LRFN1: variants seen among roughly 807,000 people sequenced by gnomAD.
LRFN1 encodes the protein leucine-rich repeat and fibronectin type III domain-containing protein 1.
In LRFN1, 20 loss-of-function variants were observed where a neutral mutation model predicts 31.8. The ratio of observed to expected loss-of-function variants is 0.63; its 90% confidence interval spans 0.44 to 0.91. The LOEUF (loss-of-function observed/expected upper bound fraction) is 0.91, where lower values mean the gene tolerates loss of function less well. Among genes scored for constraint, LRFN1 ranks in the 40% least tolerant of loss-of-function variants. LRFN1 has a pLI of 0.00. For synonymous variants in LRFN1, 514 were observed against 541.3 expected (o/e 0.95, Z 0.70); for missense variants, 912 against 1,129.8 (o/e 0.81, Z 2.76).
At chr19:39,318,739 G>A (rs1447067542) in intron 1 of LRFN1, among the ~76,000 whole-genome samples, 2 of 152,276 alleles carry the variant, frequency 1.3e-5, no homozygotes, top group Non-Finnish European at 1.5e-5. Flanking sequence ...ACCAAGAGCT[G>A]GGGAAGGGCC....
rs1209114135 is a variant in LRFN1 at position 39,314,008 on chromosome 19, T to C, written c.1329A>G (p.Pro443=). Residue 443 remains proline, a synonymous_variant, in exon 4 of 5, where the codon CCA becomes CCG. Transcript: ENST00000248668. The part of the protein sequence containing the change: ...LTSNSVLIRW[P]AQRPVPGIRM... ...GTATTCCGGGCACAGGCCTCTGGGC[T>C]GGCCAGCGGATGAGCACGGAGTTCG... 1.9e-6 allele frequency: 3 copies of C among 1,611,614 alleles called. No individual in the cohort carries two copies. Among genetic ancestry groups the C allele is most frequent in the East Asian group, 2.2e-5 (1 of 44,878 alleles).
intron 4 of LRFN1, among the ~76,000 whole-genome samples, chr19:39,311,226 G>A (rs567203696): frequency 3.3e-5 from 5 of 152,206 alleles, no homozygotes; most frequent in African/African-American, 1.2e-4. Flanking sequence ...CCATGACAGC[G>A]TGAGGAAGTT....
rs777529712 is a variant in LRFN1 at position 39,314,095 on chromosome 19, C to T, written c.1242G>A (p.Pro414=). The change falls in exon 4 of 5, where the codon CCG becomes CCA. Residue 414 remains proline (P), a synonymous_variant. Transcript: ENST00000248668. ...TEPGSSDIAT[P]GRPGANDSAA... is the part of the protein sequence containing the mutation. ...CAGAATCGTTGGCACCTGGTCTGCC[C>T]GGCGTGGCGATGTCAGAGGAGCCGG... 3.1e-6 allele frequency: 5 copies of T among 1,612,278 alleles called. No individual in the cohort carries two copies. The highest frequency in any genetic ancestry group is 2.7e-5 in the African/African-American group (2 of 75,036).
chr19:39,318,626 C>T (rs888645469), intron 1 of LRFN1, among the ~76,000 whole-genome samples: 4 of 152,100 alleles, frequency 2.6e-5, no homozygotes, highest in Admixed American at 2.6e-4. Context: ...AGAACCCCAG[C>T]CCCCTCTTCC....
chr19:39,317,808 G>C (rs1370393162), intron 2 of LRFN1, among the ~76,000 whole-genome samples: 1 of 151,968 alleles, frequency 6.6e-6, no homozygotes, highest in East Asian at 1.9e-4. Flanking sequence ...ATATACATGT[G>C]AGCTGCTGCT....
Position 39,307,479 on chromosome 19 carries a change from G to C in LRFN1, c.*154C>G. The C allele has an allele frequency of 2.3e-6, 2 of 859,600 alleles. No individual in the cohort carries two copies. Among genetic ancestry groups the C allele is most frequent in the Non-Finnish European group, 3.2e-6 (2 of 634,262 alleles). 53.2% of individuals were successfully genotyped at this position (859,600 alleles called of 1,614,324 possible). On this transcript the variant is annotated 3_prime_UTR_variant, in exon 5 of 5. Transcript: ENST00000248668. The surrounding 1 kb of genome is among the most constrained non-coding windows in gnomAD (Gnocchi z 6.7). ...CACGGGGGCGTGGCCTCGAGCCGCA[G>C]CCCGAGGCTGCCCCGCCCCCTCCCG...
chr19:39,318,953 A>T (rs544260866), intron 1 of LRFN1, among the ~76,000 whole-genome samples: 7 of 152,240 alleles, frequency 4.6e-5, no homozygotes, highest in Non-Finnish European at 1.0e-4. Context: ...GGACCCCAGT[A>T]TACCAGAGGT....
chr19:39,315,575 T>C lies in LRFN1; in HGVS notation c.-37-202A>G, dbSNP rs2075169576. Among the ~76,000 whole-genome samples, 1 of 152,118 alleles carries C rather than the reference T, an allele frequency of 6.6e-6. No individual in the cohort carries two copies. Among genetic ancestry groups the C allele is most frequent in the Non-Finnish European group, 1.5e-5 (1 of 68,024 alleles). On this transcript the variant is annotated intron_variant, in intron 3 of 4. Transcript: ENST00000248668. The surrounding 1 kb of genome is among the most constrained non-coding windows in gnomAD (Gnocchi z 4.7). ...GGCTCACGCCTGTAATCCCAGCACTTTGGGAGGCCGAGGCAGGCGGATCAC... is the reference window on the plus strand; with the variant it reads ...GGCTCACGCCTGTAATCCCAGCACTCTGGGAGGCCGAGGCAGGCGGATCAC...
intron 4 of LRFN1, among the ~76,000 whole-genome samples, chr19:39,309,825 G>A (rs1401222195): frequency 1.3e-5 from 2 of 152,198 alleles, no homozygotes; most frequent in Non-Finnish European, 2.9e-5. Context: ...TCTTGCTGTA[G>A]GCCCCTCCCC....
At chr19:39,320,105 C>A (rs530437324) in intron 1 of LRFN1, among the ~76,000 whole-genome samples, 2 of 149,776 alleles carry the variant, frequency 1.3e-5, no homozygotes, top group South Asian at 2.1e-4. Context: ...GCCCATCCCC[C>A]CCCCGCAACC....
In LRFN1 at chr19:39,308,026, A is replaced by G. The variant is rs1157181389; in HGVS notation, c.1923T>C (p.Arg641=). The G allele has an allele frequency of 6.4e-7, 1 of 1,551,032 alleles. No homozygotes were observed. The highest frequency in any genetic ancestry group is 1.9e-5 in the Admixed American group (1 of 52,816). Residue 641 remains arginine (R), a synonymous_variant, in exon 5 of 5, where the codon CGT becomes CGC. Coordinates refer to ENST00000248668, the MANE Select transcript of LRFN1 (RefSeq NM_020862.2). The surrounding 1 kb of genome is among the most constrained non-coding windows in gnomAD (Gnocchi z 6.2). ...GCGAGGTGGCCGAGCCGCCCAGAGA[A>G]CGTCCAAGGACCACCTCCGGCTCCG... is the stretch of plus-strand genomic sequence containing the variant. ...ASAEPEVVLG[R]SLGGSATSLC...
In LRFN1 at chr19:39,307,827, C is replaced by A; in HGVS notation, c.2122G>T (p.Gly708Trp). Residue 708 changes from glycine to tryptophan, a missense_variant, in exon 5 of 5, where the codon GGG becomes TGG. Physicochemically the swap from Gly to Trp is radical, Grantham distance 184 (BLOSUM62 -2). Around this residue, in one of 2 missense-constraint regions of LRFN1, gnomAD observed 511 missense variants for 557.0 expected, o/e 0.92. Transcript: ENST00000248668. This position sits in a 1 kb window ranked among gnomAD's most constrained non-coding sequence, Gnocchi z 6.7. ...CTCTGGAATAGTGCCCCGTAGTCCCCGTCGAACGAATAGCGCTGCTGCGGC... is the reference window on the plus strand; with the variant it reads ...CTCTGGAATAGTGCCCCGTAGTCCCAGTCGAACGAATAGCGCTGCTGCGGC... ...PRPQQRYSFD[G>W]DYGALFQSHS... The A allele has an allele frequency of 6.7e-7, 1 of 1,495,740 alleles. No homozygotes were observed. The highest frequency in any genetic ancestry group is 8.9e-7 in the Non-Finnish European group (1 of 1,128,902). 92.7% of individuals were successfully genotyped at this position (1,495,740 alleles called of 1,614,324 possible).
Position 39,314,135 on chromosome 19 carries a change from G to A in LRFN1, c.1202C>T (p.Pro401Leu). 1 of 1,611,840 alleles carries A rather than the reference G, an allele frequency of 6.2e-7. No homozygotes were observed. Among genetic ancestry groups the A allele is most frequent in the Non-Finnish European group, 8.5e-7 (1 of 1,179,218 alleles). Reference sequence around the variant, plus strand: ...AGAGGAGCCGGGCTCGGTGAGAGGCGGCGGGGCAGCCGGCGGGGGTGCCAT... The same window carrying A: ...AGAGGAGCCGGGCTCGGTGAGAGGCAGCGGGGCAGCCGGCGGGGGTGCCAT... ...PLMAPPPAAP[P>L]PLTEPGSSDI... The change falls in exon 4 of 5, where the codon CCG becomes CTG. Residue 401 changes from proline (P) to leucine (L), a missense_variant. Around this residue, in one of 2 missense-constraint regions of LRFN1, gnomAD observed 511 missense variants for 557.0 expected, o/e 0.92. Transcript: ENST00000248668.
chr19:39,310,253 CG>C (rs2075146197), intron 4 of LRFN1, among the ~76,000 whole-genome samples: 1 of 152,246 alleles, frequency 6.6e-6, no homozygotes, highest in Admixed American at 6.5e-5. Flanking sequence ...CCACCACGCC[CG>C]GCGAACTTCG....
At chr19:39,310,264 G>A (rs1034410911) in intron 4 of LRFN1, among the ~76,000 whole-genome samples, 5 of 152,190 alleles carry the variant, frequency 3.3e-5, no homozygotes, top group African/African-American at 1.2e-4. Flanking sequence ...GGCGAACTTC[G>A]CCAAGTTTCT....
At chr19:39,317,200 G>C (rs1011857118) in intron 2 of LRFN1, among the ~76,000 whole-genome samples, 28 of 152,264 alleles carry the variant, frequency 1.8e-4, no homozygotes, top group East Asian at 3.9e-4. Flanking sequence ...AAAAGACACA[G>C]AGATGGAGAG....
chr19:39,307,375 G>A lies in LRFN1; in HGVS notation c.*258C>T, dbSNP rs1189086968. The A allele has an allele frequency of 4.9e-6, 2 of 407,820 alleles. No homozygotes were observed. The highest frequency in any genetic ancestry group is 8.6e-6 in the Non-Finnish European group (2 of 232,580). 25.3% of individuals were successfully genotyped at this position (407,820 alleles called of 1,614,324 possible). A position where few individuals can be genotyped will look rare whatever the true frequency, so the allele number is the denominator to read the frequency against. ...GCTCCAGCGAGGTCCGCGAGCGCGCGAGGGGAGGGGTAGGAGGGGGGTCGA... is the reference window on the plus strand; with the variant it reads ...GCTCCAGCGAGGTCCGCGAGCGCGCAAGGGGAGGGGTAGGAGGGGGGTCGA... On this transcript the variant is annotated 3_prime_UTR_variant, in exon 5 of 5. Coordinates refer to ENST00000248668, the MANE Select transcript of LRFN1 (RefSeq NM_020862.2). The surrounding 1 kb of genome is among the most constrained non-coding windows in gnomAD (Gnocchi z 6.7).
In LRFN1 at chr19:39,307,649, A is replaced by C; in HGVS notation, c.2300T>G (p.Leu767Arg). 3 of 1,468,616 alleles carry C rather than the reference A, an allele frequency of 2.0e-6. No individual in the cohort carries two copies. The highest frequency in any genetic ancestry group is 2.7e-6 in the Non-Finnish European group (3 of 1,119,072). The allele number at this position is 1,468,616 out of a possible 1,614,324, so 91.0% of individuals were successfully genotyped here. Residue 767 changes from leucine (L) to arginine (R), a missense_variant, in exon 5 of 5, where the codon CTG becomes CGG. Physicochemically the swap from Leu to Arg is moderately radical, Grantham distance 102. This residue lies in a region of LRFN1 where 511 missense variants were observed against 557.0 expected (regional missense o/e 0.92). Transcript: ENST00000248668. The surrounding 1 kb of genome is among the most constrained non-coding windows in gnomAD (Gnocchi z 6.7). Reference sequence around the variant, plus strand: ...GCCCGCCGCTCACACGGTACTCTCCAGCATCCACTCGGTGCTGGTGAAAGC... The same window carrying C: ...GCCCGCCGCTCACACGGTACTCTCCCGCATCCACTCGGTGCTGGTGAAAGC... Reference protein sequence around the residue: ...CLAFTSTEWMLESTV With the variant: ...CLAFTSTEWMRESTV
chr19:39,308,487 C>A lies in LRFN1; in HGVS notation c.1462G>T (p.Ala488Ser), dbSNP rs1469041831. 6.2e-7 allele frequency: 1 copy of A among 1,603,196 alleles called. No individual in the cohort carries two copies. Among genetic ancestry groups the A allele is most frequent in the African/African-American group, 1.3e-5 (1 of 74,920 alleles). Residue 488 changes from alanine (A) to serine (S), a missense_variant, in exon 5 of 5, where the codon GCC becomes TCC. Transcript: ENST00000248668. This position sits in a 1 kb window ranked among gnomAD's most constrained non-coding sequence, Gnocchi z 6.2. The stretch of plus-strand genomic sequence containing the variant: ...ACCGCCAGCACGCACAAGTCGTAGG[C>A]ACGGCCCGCCGCCAGGTCATTCACC... ...FLVNDLAAGR[A>S]YDLCVLAVYD... is the part of the protein sequence containing the mutation.
Sources: gnomAD v4.1 joint callset for allele counts (sites outside exome capture counted in the v4.1 genomes callset) on GRCh38, gnomAD v4.1.1 for gene constraint, gnomAD v4.1.1 regional missense constraint, Gnocchi (gnomAD v3.1) non-coding constraint, MANE v1.5 for transcripts, NCBI Gene and HGNC (gene_info 2026-07-23, HGNC 2026-07-21) for gene names.